CCSER1: variants seen among roughly 807,000 people sequenced by gnomAD.
CCSER1 encodes coiled-coil serine rich protein 1, also known as serine-rich coiled-coil domain-containing protein 1.
In CCSER1, 41 loss-of-function variants were observed where a neutral mutation model predicts 82.0. The ratio of observed to expected loss-of-function variants is 0.50; its 90% CI spans 0.39 to 0.65. The LOEUF is 0.65. Among genes scored for constraint, CCSER1 ranks in the 30% least tolerant of loss-of-function variants. The probability of loss-of-function intolerance (pLI) is 0.00; values close to 1 mark genes in which losing one functional copy is unlikely to be tolerated. For missense variants in CCSER1, 1,119 were observed against 1,064.2 expected, an observed-to-expected ratio of 1.05 and a Z score of -0.72; for synonymous variants, 414 against 383.9, an observed-to-expected ratio of 1.08 and a Z score of -0.92.
chr4:90,187,333 G>A (rs904307962), intron 1 of CCSER1, among the ~76,000 whole-genome samples: 2 of 148,664 alleles, frequency 1.3e-5, no homozygotes, highest in African/African-American at 4.9e-5. Flanking sequence ...CAATGACATT[G>A]TAGATTTGAT....
chr4:91,117,509 G>A (rs949163106), intron 10 of CCSER1, among the ~76,000 whole-genome samples: 1 of 152,200 alleles, frequency 6.6e-6, no homozygotes, highest in African/African-American at 2.4e-5. Context: ...TTATTAAGTG[G>A]ATGAATAGAA....
chr4:90,157,948 C>G (rs1270551157), intron 1 of CCSER1, among the ~76,000 whole-genome samples: 1 of 152,306 alleles, frequency 6.6e-6, no homozygotes, highest in East Asian at 1.9e-4. Context: ...AGGAGAGGCG[C>G]TCTGCTTTTT....
intron 9 of CCSER1, among the ~76,000 whole-genome samples, chr4:91,025,554 A>G (rs540051374): frequency 6.6e-6 from 1 of 152,228 alleles, no homozygotes; most frequent in South Asian, 2.1e-4. Context: ...ACTATAACTG[A>G]TAACAGTAGC....
chr4:90,301,013 T>C lies in CCSER1; in HGVS notation c.-41-7231T>C, dbSNP rs147109887. ...GTTAATTAATTTTTTTTTCTTTTTTTCTAAGAGATGGGTTCTCCCTATGTT... is the reference window on the plus strand; with the variant it reads ...GTTAATTAATTTTTTTTTCTTTTTTCCTAAGAGATGGGTTCTCCCTATGTT... On this transcript the variant is annotated intron_variant, in intron 1 of 10. Coordinates refer to ENST00000509176, the MANE Select transcript of CCSER1 (RefSeq NM_001145065.2). Among the ~76,000 whole-genome samples the C allele has an allele frequency of 1.4e-4, 22 of 152,090 alleles. 1 individual carries two copies. In the East Asian group the frequency reaches 4.1e-3, roughly 28 times the overall value.
At chr4:90,777,129 G>A (rs182379771) in intron 7 of CCSER1, among the ~76,000 whole-genome samples, 223 of 152,196 alleles carry the variant, frequency 1.5e-3, no homozygotes, top group Non-Finnish European at 2.2e-3. Flanking sequence ...GTTGAGGCGG[G>A]TGGATCACCT....
chr4:90,452,625 G>C (rs1231149977), intron 4 of CCSER1, among the ~76,000 whole-genome samples: 2 of 152,152 alleles, frequency 1.3e-5, no homozygotes, highest in African/African-American at 4.8e-5. Context: ...CTTCCTTTCT[G>C]AGACATAAAG....
chr4:90,939,866 T>A (rs2150323855), intron 9 of CCSER1, among the ~76,000 whole-genome samples: 1 of 152,242 alleles, frequency 6.6e-6, no homozygotes, highest in East Asian at 1.9e-4. Context: ...TGATCTAAAA[T>A]ACAAAAACAT....
intron 10 of CCSER1, among the ~76,000 whole-genome samples, chr4:91,514,538 G>A (rs73837634): frequency 0.11 from 16,792 of 152,178 alleles, 1,024 homozygotes; most frequent in South Asian, 0.21. Flanking sequence ...GTCTAATGCT[G>A]TCAGTGGGGT....
chr4:90,203,356 C>G (rs1027054651), intron 1 of CCSER1, among the ~76,000 whole-genome samples: 2 of 152,156 alleles, frequency 1.3e-5, no homozygotes, highest in Non-Finnish European at 1.5e-5. Context: ...TAGCTCCCCA[C>G]CACCAACAGA....
chr4:90,669,073 T>A (rs1732320883), intron 6 of CCSER1, among the ~76,000 whole-genome samples: 4 of 151,788 alleles, frequency 2.6e-5, no homozygotes, highest in Admixed American at 2.6e-4. Flanking sequence ...AGATAGACAA[T>A]GGAAATATTA....
At chr4:90,424,633 C>A (rs1327578944) in intron 4 of CCSER1, among the ~76,000 whole-genome samples, 1 of 152,172 alleles carries the variant, frequency 6.6e-6, no homozygotes, top group African/African-American at 2.4e-5. Context: ...TTACATTACT[C>A]ATAGTCTACA....
At chr4:90,777,753 G>A (rs924220219) in intron 7 of CCSER1, among the ~76,000 whole-genome samples, 7 of 151,974 alleles carry the variant, frequency 4.6e-5, no homozygotes, top group African/African-American at 1.7e-4. Context: ...TATTGTACAT[G>A]TGTTATGAGG....
chr4:90,411,442 A>C (rs572015885), intron 4 of CCSER1, among the ~76,000 whole-genome samples: 1 of 152,378 alleles, frequency 6.6e-6, no homozygotes. Context: ...CATGGGCTTC[A>C]TCCCTGGGAT....
intron 1 of CCSER1, among the ~76,000 whole-genome samples, chr4:90,198,651 T>A (rs1254198228): frequency 6.6e-6 from 1 of 152,120 alleles, no homozygotes; most frequent in East Asian, 1.9e-4. Flanking sequence ...TTGTCTATAG[T>A]CAGCAATAAA....
At chr4:91,442,105 G>T (rs1755205148) in intron 10 of CCSER1, among the ~76,000 whole-genome samples, 1 of 151,644 alleles carries the variant, frequency 6.6e-6, no homozygotes, top group South Asian at 2.1e-4. Context: ...TTTCTTCACA[G>T]AATTGGAAAA....
intron 6 of CCSER1, among the ~76,000 whole-genome samples, chr4:90,666,072 G>A (rs957319175): frequency 2.6e-5 from 4 of 151,840 alleles, no homozygotes; most frequent in Non-Finnish European, 5.9e-5. Flanking sequence ...TCTTCAAACC[G>A]GCAGTTGTGC....
At chr4:91,113,850 A>AT (rs34946872) in intron 10 of CCSER1, among the ~76,000 whole-genome samples, 10,636 of 146,056 alleles carry the variant, frequency 0.073, 564 homozygotes, top group East Asian at 0.27. Flanking sequence ...TGATATCTAC[A>AT]TTTTTTTTTT....
chr4:90,534,881 GC>G (rs1775120771), intron 5 of CCSER1, among the ~76,000 whole-genome samples: 1 of 152,146 alleles, frequency 6.6e-6, no homozygotes, highest in African/African-American at 2.4e-5. Context: ...CTAATGCCAT[GC>G]TACTCAAAAT....
chr4:90,190,029 C>T (rs114399097), intron 1 of CCSER1, among the ~76,000 whole-genome samples: 3,994 of 152,088 alleles, frequency 0.026, 80 homozygotes, highest in Non-Finnish European at 0.042. Flanking sequence ...AAAAGGTTTT[C>T]TGGCATAGTC....
Sources: allele counts gnomAD v4.1 joint callset (sites outside exome capture counted in the v4.1 genomes callset), GRCh38; gene constraint gnomAD v4.1.1; transcripts MANE v1.5; gene names NCBI Gene and HGNC (gene_info 2026-07-23, HGNC 2026-07-21).